Variants in SLF1 observed in about 807,000 individuals in gnomAD.
The protein encoded by SLF1 is SMC5/6 complex localization factor 1.
Under a neutral mutation model 123.0 loss-of-function variants are expected in SLF1, and 105 were observed. The observed-to-expected ratio is 0.85, with a 90% CI of 0.73 to 1.00. The LOEUF is 1.00. Among genes scored for constraint, SLF1 ranks in the 50% least tolerant of loss-of-function variants. The probability of loss-of-function intolerance (pLI) is 0.00; values close to 1 mark genes in which losing one functional copy is unlikely to be tolerated. For missense variants in SLF1, 1,239 were observed against 1,223.0 expected (o/e 1.01, Z -0.20); for synonymous variants, 434 against 406.6 (o/e 1.07, Z -0.81).
chr5:94,634,284 T>C (rs1585113978), intron 4 of SLF1, among the ~76,000 whole-genome samples: 3 of 152,198 alleles, frequency 2.0e-5, no homozygotes, highest in East Asian at 1.9e-4. Flanking sequence ...ACACTTGTCA[T>C]TGTGTCCTTT....
rs1753420298 is a variant in SLF1, at chr5:94,694,939, C to G, written c.2804C>G (p.Thr935Arg). 1.9e-6 allele frequency: 3 copies of G among 1,612,342 alleles called. 1 individual carries two copies. The highest frequency in any genetic ancestry group is 3.3e-4 in the Middle Eastern group (2 of 6,054). The change falls in exon 21 of 21, where the codon ACA becomes AGA. Residue 935 changes from threonine (T) to arginine (R), a missense_variant. By Grantham distance (71) the Thr-to-Arg change is moderately conservative. Coordinates refer to ENST00000265140, the MANE Select transcript of SLF1 (RefSeq NM_032290.4). ...ELFAITKIED[T>R]VENFHAQAEK... Reference sequence around the variant, plus strand: ...TTTGCTATTACAAAAATAGAAGATACAGTGGAGAACTTTCATGCACAAGCA... The same window carrying G: ...TTTGCTATTACAAAAATAGAAGATAGAGTGGAGAACTTTCATGCACAAGCA...
chr5:94,685,666 T>A (rs1488741412), intron 15 of SLF1, among the ~76,000 whole-genome samples: 1 of 152,064 alleles, frequency 6.6e-6, no homozygotes, highest in Non-Finnish European at 1.5e-5. Flanking sequence ...TGTTTTCTTG[T>A]TTTTTGTTTC....
chr5:94,629,039 A>T, intron 2 of SLF1, 53 bp from the exon 3 acceptor site: 1 of 1,470,618 alleles, frequency 6.8e-7, no homozygotes, highest in Non-Finnish European at 9.2e-7. Flanking sequence ...AGGATGTGTC[A>T]TAAAGGGAGT....
Position 94,662,153 on chromosome 5 carries a change from T to C in SLF1, c.1156-145T>C, listed in dbSNP as rs942939269. 6 of 500,712 alleles carry C rather than the reference T, an allele frequency of 1.2e-5. No homozygotes were observed. In the East Asian group the frequency reaches 2.2e-4, roughly 18 times the overall value. The allele number at this position is 500,712 out of a possible 1,614,324, so 31.0% of individuals were successfully genotyped here. On this transcript the variant is annotated intron_variant, in intron 9 of 20. Coordinates refer to ENST00000265140, the MANE Select transcript of SLF1 (RefSeq NM_032290.4). ...CCCTAAAATAATAAAAGTTGCTAGT[T>C]TGAGTAAATATGAGTATCATATTAA... is the stretch of plus-strand genomic sequence containing the variant.
intron 6 of SLF1, 32 bp from the exon 7 acceptor site, chr5:94,651,670 G>A (rs748978741): frequency 1.2e-5 from 18 of 1,483,908 alleles, no homozygotes; most frequent in Non-Finnish European, 1.4e-5. Context: ...TTAATCCACA[G>A]TCTTAACTAA....
chr5:94,662,410 A>ATTG, intron 10 of SLF1, 59 bp downstream of exon 10: 1 of 1,409,734 alleles, frequency 7.1e-7, no homozygotes, highest in South Asian at 1.4e-5. Flanking sequence ...GTGTTTTGTT[A>ATTG]TTAGTTATTT....
intron 7 of SLF1, among the ~76,000 whole-genome samples, chr5:94,652,938 A>G (rs1488785996): frequency 6.6e-6 from 1 of 151,998 alleles, no homozygotes; most frequent in Non-Finnish European, 1.5e-5. Context: ...GCTCGCCACA[A>G]CCTCCGCCTT....
At chr5:94,653,443 A>C in intron 8 of SLF1, 22 bp downstream of exon 8, 2 of 1,469,758 alleles carry the variant, frequency 1.4e-6, no homozygotes, top group Non-Finnish European at 1.8e-6. Context: ...AAGCTAAGCT[A>C]TAGCTTTCTT....
chr5:94,630,888 GT>G, intron 4 of SLF1, 145 bp downstream of exon 4: 1 of 842,746 alleles, frequency 1.2e-6, no homozygotes, highest in Admixed American at 3.0e-5. Context: ...CATTATGCTC[GT>G]TTAGACTTAT....
Position 94,628,936 on chromosome 5 carries a change from A to T in SLF1, c.114+12A>T, listed in dbSNP as rs771715672. On this transcript the variant is annotated intron_variant, in intron 2 of 20. Coordinates refer to ENST00000265140, the MANE Select transcript of SLF1 (RefSeq NM_032290.4). The stretch of plus-strand genomic sequence containing the variant: ...TTATTAAGAGTGAGGTAAGAAACTT[A>T]TCAAAATGTTCAAGATATATTTGAA... The T allele has an allele frequency of 6.6e-6, 10 of 1,511,632 alleles. No individual in the cohort carries two copies. The highest frequency in any genetic ancestry group is 8.9e-6 in the Non-Finnish European group (10 of 1,120,610). 93.6% of individuals were successfully genotyped at this position (1,511,632 alleles called of 1,614,324 possible).
chr5:94,693,891 CT>C (rs1753304630), intron 20 of SLF1, among the ~76,000 whole-genome samples: 1 of 151,046 alleles, frequency 6.6e-6, no homozygotes, highest in Non-Finnish European at 1.5e-5. Context: ...AATGGTTGAT[CT>C]TTTATATTAA....
rs193281328 is a variant in SLF1, at chr5:94,673,282, A to G, written c.1827+2274A>G. Among the ~76,000 whole-genome samples the G allele has an allele frequency of 5.9e-5, 9 of 152,052 alleles. No homozygotes were observed. In the East Asian group the frequency reaches 1.5e-3, roughly 26 times the overall value. ...GTAGCTCCCTTGAGTACCTCACTAG[A>G]TTTTGGCCTAGCACTTCCTCATAAT... On this transcript the variant is annotated intron_variant, in intron 14 of 20. Coordinates refer to ENST00000265140, the MANE Select transcript of SLF1 (RefSeq NM_032290.4).
chr5:94,643,145 A>G lies in SLF1; in HGVS notation c.432-128A>G, dbSNP rs150441750. The stretch of plus-strand genomic sequence containing the variant: ...GCAGCCGTGTTCTCTGTGATCCTCA[A>G]TTGCCCAAAGAAATTAGTCCCTATT... On this transcript the variant is annotated intron_variant, in intron 4 of 20. Transcript: ENST00000265140. The G allele has an allele frequency of 1.4e-3, 863 of 617,382 alleles. 1 individual carries two copies. Among genetic ancestry groups the G allele is most frequent in the Middle Eastern group, 5.4e-3 (12 of 2,206 alleles). The allele number at this position is 617,382 out of a possible 1,614,324, so 38.2% of individuals were successfully genotyped here. A position where few individuals can be genotyped will look rare whatever the true frequency, so the allele number is the denominator to read the frequency against.
chr5:94,664,805 T>C (rs1270744164), intron 11 of SLF1, among the ~76,000 whole-genome samples: 1 of 152,200 alleles, frequency 6.6e-6, no homozygotes, highest in African/African-American at 2.4e-5. Flanking sequence ...CATCCCTTGC[T>C]GTCACAGGAT....
At chr5:94,648,183 C>T (rs139537018) in intron 5 of SLF1, among the ~76,000 whole-genome samples, 1 of 152,134 alleles carries the variant, frequency 6.6e-6, no homozygotes, top group African/African-American at 2.4e-5. Context: ...GTTGTTGATA[C>T]ATTCTTTGGT....
chr5:94,686,286 C>T (rs1390594173), intron 15 of SLF1, among the ~76,000 whole-genome samples: 7 of 152,196 alleles, frequency 4.6e-5, no homozygotes, highest in African/African-American at 1.2e-4. Context: ...TCTATATATT[C>T]ATATATTACC....
rs1329226015 is a variant in SLF1, at chr5:94,670,889, G to A, written c.1708G>A (p.Ala570Thr). ...DSQNLKITGKAMLLEIFWSGS... is the reference protein window; with the variant it reads ...DSQNLKITGKTMLLEIFWSGS... ...TCAGAATCTGAAAATAACAGGAAAG[G>A]CAATGCTTCTTGAAATTTTTTGGTC... Residue 570 changes from alanine to threonine, a missense_variant, in exon 14 of 21, where the codon GCA (alanine) becomes ACA (threonine). Physicochemically the swap from Ala to Thr is moderately conservative, Grantham distance 58 (BLOSUM62 0). Coordinates refer to ENST00000265140, the MANE Select transcript of SLF1 (RefSeq NM_032290.4). 6.5e-7 allele frequency: 1 copy of A among 1,550,054 alleles called. No homozygotes were observed. Among genetic ancestry groups the A allele is most frequent in the Non-Finnish European group, 8.7e-7 (1 of 1,145,914 alleles).
intron 5 of SLF1, among the ~76,000 whole-genome samples, chr5:94,645,381 G>A (rs573647657): frequency 2.6e-5 from 4 of 152,284 alleles, no homozygotes; most frequent in African/African-American, 9.6e-5. Context: ...CCTGTTTTAC[G>A]ATTAGATCAC....
chr5:94,654,796 AC>A, intron 9 of SLF1, 44 bp downstream of exon 9: 1 of 1,388,410 alleles, frequency 7.2e-7, no homozygotes, highest in South Asian at 1.6e-5. Flanking sequence ...ATCGTGTCTT[AC>A]TGTAGTGTAT....
Sources: gnomAD v4.1 joint callset for allele counts (sites outside exome capture counted in the v4.1 genomes callset) on GRCh38, gnomAD v4.1.1 for gene constraint, MANE v1.5 for transcripts, NCBI Gene and HGNC (gene_info 2026-07-23, HGNC 2026-07-21) for gene names.